Variants in EHF observed in about 807,000 individuals in gnomAD.
The protein encoded by EHF is ETS homologous factor.
EHF carries 14 observed loss-of-function variants against 45.1 expected under a neutral mutation model. The observed-to-expected ratio is 0.31, with a 90% CI of 0.21 to 0.49. The LOEUF (loss-of-function observed/expected upper bound fraction) is 0.49, where lower values mean the gene tolerates loss of function less well. Among genes scored for constraint, EHF ranks in the 20% least tolerant of loss-of-function variants. The pLI is 0.99. For synonymous variants in EHF, 136 were observed against 131.8 expected (o/e 1.03, Z -0.22); for missense variants, 282 against 371.4 (o/e 0.76, Z 1.98).
intron 4 of EHF, among the ~76,000 whole-genome samples, chr11:34,649,796 G>A (rs373782517): frequency 6.6e-6 from 1 of 152,142 alleles, no homozygotes; most frequent in South Asian, 2.1e-4. Flanking sequence ...TCATGCCTGG[G>A]AGCCTGGGAG....
intron 3 of EHF, among the ~76,000 whole-genome samples, chr11:34,647,688 C>T (rs545864691): frequency 2.0e-5 from 3 of 152,198 alleles, no homozygotes; most frequent in Admixed American, 6.5e-5. Flanking sequence ...AGAGTCATAC[C>T]CTGGCAACAG....
chr11:34,651,696 A>C, intron 5 of EHF, 41 bp from the exon 6 acceptor site: 1 of 1,608,698 alleles, frequency 6.2e-7, no homozygotes, highest in Non-Finnish European at 8.5e-7. Flanking sequence ...AGGTGGGGGG[A>C]GGGGGTGCTC....
rs377285823 is a variant in EHF at position 34,648,636 on chromosome 11, T to C, written c.344-383T>C. ...GTATGGGAAAGCACCTTAGAAGTCA[T>C]CTAGTGACCTTATCTAGTTTAATCT... On this transcript the variant is annotated intron_variant, in intron 3 of 8. Transcript: ENST00000257831. Among the ~76,000 whole-genome samples, 54 of 152,312 alleles carry C rather than the reference T, an allele frequency of 3.5e-4. 1 individual carries two copies. The South Asian group carries it at 7.0e-3, about 20-fold the overall frequency.
intron 6 of EHF, among the ~76,000 whole-genome samples, chr11:34,653,031 T>C (rs1855330985): frequency 6.6e-6 from 1 of 152,154 alleles, no homozygotes; most frequent in Non-Finnish European, 1.5e-5. Context: ...CGGGGTAAAA[T>C]TTCTGTGGCA....
intron 1 of EHF, among the ~76,000 whole-genome samples, chr11:34,624,957 A>G (rs981488279): frequency 1.4e-4 from 22 of 152,072 alleles, no homozygotes; most frequent in African/African-American, 5.1e-4. Flanking sequence ...TCCTCTAGGC[A>G]AAAGGGTTTG....
At chr11:34,641,149 T>C (rs1239300549) in intron 1 of EHF, among the ~76,000 whole-genome samples, 2 of 152,176 alleles carry the variant, frequency 1.3e-5, no homozygotes, top group African/African-American at 4.8e-5. Context: ...TTTGCTGTTA[T>C]AATGTCCATC....
chr11:34,621,749 A>G (rs1223097219), intron 1 of EHF, among the ~76,000 whole-genome samples: 9 of 152,258 alleles, frequency 5.9e-5, no homozygotes, highest in Non-Finnish European at 1.2e-4. Context: ...AATAGGCAAG[A>G]ACATACACAA....
At chr11:34,624,423 G>A (rs1852194396) in intron 1 of EHF, 2 of 457,628 alleles carry the variant, frequency 4.4e-6, no homozygotes, top group African/African-American at 4.3e-5. Flanking sequence ...CTGAAAGGAG[G>A]GCATAGATAA....
intron 1 of EHF, among the ~76,000 whole-genome samples, chr11:34,635,675 G>A (rs528934849): frequency 2.1e-5 from 3 of 142,766 alleles, no homozygotes; most frequent in South Asian, 2.2e-4. Flanking sequence ...AGGAGCTTGC[G>A]TTTTAGACAT....
At chr11:34,636,211 T>C (rs1002955955) in intron 1 of EHF, among the ~76,000 whole-genome samples, 1 of 152,254 alleles carries the variant, frequency 6.6e-6, no homozygotes, top group Non-Finnish European at 1.5e-5. Flanking sequence ...TTTCCAAGCA[T>C]TTTACAGGTA....
intron 1 of EHF, among the ~76,000 whole-genome samples, chr11:34,628,349 T>C (rs1852557767): frequency 6.6e-6 from 1 of 152,216 alleles, no homozygotes; most frequent in African/African-American, 2.4e-5. Context: ...ATATAAATTT[T>C]TTTAAATCTT....
At chr11:34,634,106 C>T (rs1853166450) in intron 1 of EHF, among the ~76,000 whole-genome samples, 1 of 152,164 alleles carries the variant, frequency 6.6e-6, no homozygotes, top group African/African-American at 2.4e-5. Context: ...ATACATTCCC[C>T]AAGCTTGATT....
intron 1 of EHF, among the ~76,000 whole-genome samples, chr11:34,641,455 G>A (rs1853987575): frequency 6.6e-6 from 1 of 152,130 alleles, no homozygotes; most frequent in Non-Finnish European, 1.5e-5. Context: ...GCTAAATTAG[G>A]GGAAGGAATG....
chr11:34,643,438 G>A (rs1478133058), intron 2 of EHF, among the ~76,000 whole-genome samples: 1 of 152,182 alleles, frequency 6.6e-6, no homozygotes, highest in Non-Finnish European at 1.5e-5. Flanking sequence ...ACAGCAGTGA[G>A]TTTAGGGAGC....
intron 1 of EHF, chr11:34,624,389 T>A (rs981311498): frequency 1.2e-6 from 1 of 805,376 alleles, no homozygotes; most frequent in African/African-American, 1.9e-5. Context: ...TTGCCCAGGT[T>A]CTCTTAAATC....
intron 1 of EHF, among the ~76,000 whole-genome samples, chr11:34,630,089 C>G: frequency 6.6e-6 from 1 of 152,164 alleles, no homozygotes. Flanking sequence ...ATCAATATGT[C>G]TCCTGTTTAT....
In EHF at chr11:34,658,689, A is replaced by ACAG. The variant is rs1855888958; in HGVS notation, c.770_772dup (p.Ser257dup). On this transcript the variant is annotated inframe_insertion, in exon 8 of 9. Coordinates refer to ENST00000257831, the MANE Select transcript of EHF (RefSeq NM_012153.6). ...CAGCTATGGGGTAAAAAGAAGAACAACAGCAGCATGACCTATGAAAAGCTC... is the reference window on the plus strand; with the variant it reads ...CAGCTATGGGGTAAAAAGAAGAACAACAGCAGCAGCATGACCTATGAAAAGCTC... 1 of 1,613,764 alleles carries ACAG rather than the reference A, an allele frequency of 6.2e-7. No homozygotes were observed. The highest frequency in any genetic ancestry group is 8.5e-7 in the Non-Finnish European group (1 of 1,179,772).
intron 2 of EHF, among the ~76,000 whole-genome samples, chr11:34,644,508 T>C (rs1054694817): frequency 6.6e-6 from 1 of 152,234 alleles, no homozygotes; most frequent in Non-Finnish European, 1.5e-5. Flanking sequence ...GGGCTGCTTT[T>C]GTTTCGCCAT....
At chr11:34,654,794 C>T (rs1479557941) in intron 6 of EHF, among the ~76,000 whole-genome samples, 1 of 152,170 alleles carries the variant, frequency 6.6e-6, no homozygotes, top group East Asian at 1.9e-4. Flanking sequence ...TCTGAAGTAA[C>T]TGATTCTAGA....
Sources: gnomAD v4.1 joint callset for allele counts (sites outside exome capture counted in the v4.1 genomes callset) on GRCh38, gnomAD v4.1.1 for gene constraint, MANE v1.5 for transcripts, NCBI Gene and HGNC (gene_info 2026-07-23, HGNC 2026-07-21) for gene names.